The following SYT9 variants were observed in gnomAD, a reference collection of about 807,000 sequenced individuals.
SYT9 encodes synaptotagmin-9.
In SYT9, 22 loss-of-function variants were observed where a neutral mutation model predicts 48.4. That is an observed-to-expected ratio of 0.45 (90% CI 0.32 to 0.65). The LOEUF is 0.65. Among genes scored for constraint, SYT9 ranks in the 30% least tolerant of loss-of-function variants. The probability of loss-of-function intolerance (pLI) is 0.03; values close to 1 mark genes in which losing one functional copy is unlikely to be tolerated. For synonymous variants in SYT9, 265 were observed against 245.0 expected, an observed-to-expected ratio of 1.08 and a Z score of -0.76; for missense variants, 577 against 622.0, an observed-to-expected ratio of 0.93 and a Z score of 0.77.
intron 6 of SYT9, among the ~76,000 whole-genome samples, chr11:7,458,754 GA>G (rs1848194331): frequency 6.6e-6 from 1 of 152,106 alleles, no homozygotes; most frequent in Non-Finnish European, 1.5e-5. Flanking sequence ...ATGCAGGAGA[GA>G]AAAAAGAGAG....
chr11:7,441,355 C>CT (rs1847826462), intron 6 of SYT9: 7 of 152,170 alleles, frequency 4.6e-5, no homozygotes, highest in African/African-American at 1.7e-4. Flanking sequence ...GGAGATGTTT[C>CT]CTGGAAGTCT....
At chr11:7,386,611 C>T (rs1286495686) in intron 3 of SYT9, among the ~76,000 whole-genome samples, 1 of 152,152 alleles carries the variant, frequency 6.6e-6, no homozygotes, top group East Asian at 1.9e-4. Context: ...CCAGCTCACA[C>T]CAGTTAGAAT....
intron 1 of SYT9, among the ~76,000 whole-genome samples, chr11:7,265,069 TAA>T (rs1848153243): frequency 6.6e-6 from 1 of 152,090 alleles, no homozygotes; most frequent in Non-Finnish European, 1.5e-5. Flanking sequence ...AGAGATGCCT[TAA>T]GAGATATTTA....
chr11:7,452,149 T>A (rs72846857), intron 6 of SYT9, among the ~76,000 whole-genome samples: 19,983 of 121,608 alleles, frequency 0.16, 1,507 homozygotes, highest in African/African-American at 0.28. Flanking sequence ...ACACACACAC[T>A]GAGGAAAAAC....
chr11:7,451,405 A>T (rs1415359442), intron 6 of SYT9, among the ~76,000 whole-genome samples: 1 of 152,236 alleles, frequency 6.6e-6, no homozygotes, highest in African/African-American at 2.4e-5. Flanking sequence ...AGCAGAACAT[A>T]ATTTCCCTCG....
At chr11:7,448,768 T>C (rs569673035) in intron 6 of SYT9, among the ~76,000 whole-genome samples, 15 of 152,278 alleles carry the variant, frequency 9.9e-5, no homozygotes, top group Non-Finnish European at 2.1e-4. Context: ...CAGGGCCCAA[T>C]GAGTGAGGGG....
At chr11:7,415,075 AG>A (rs1847214154) in intron 3 of SYT9, among the ~76,000 whole-genome samples, 1 of 151,828 alleles carries the variant, frequency 6.6e-6, no homozygotes, top group South Asian at 2.1e-4. Context: ...ATGGCTGCAC[AG>A]TGCCTGAGAT....
At chr11:7,340,969 A>G (rs889448126) in intron 3 of SYT9, among the ~76,000 whole-genome samples, 2 of 152,170 alleles carry the variant, frequency 1.3e-5, no homozygotes, top group Non-Finnish European at 2.9e-5. Flanking sequence ...ATTTTCTAGC[A>G]CCTGAAAGTA....
chr11:7,313,831 A>C lies in SYT9; in HGVS notation c.934A>C (p.Arg312=), dbSNP rs763447354. The C allele has an allele frequency of 1.2e-6, 2 of 1,614,200 alleles. No individual in the cohort carries two copies. The highest frequency in any genetic ancestry group is 3.3e-5 in the Admixed American group (2 of 60,026). The change falls in exon 3 of 7, where the codon AGG becomes CGG. Residue 312 remains arginine, a synonymous_variant. Transcript: ENST00000318881. ...TCACTTCTCTGTGTACGACTTTGAC[A>C]GGTTCTCTCGTCATGACTTAATCGG... ...KLHFSVYDFD[R]FSRHDLIGQV...
intron 3 of SYT9, among the ~76,000 whole-genome samples, chr11:7,406,443 T>C (rs1039094015): frequency 3.9e-5 from 6 of 151,984 alleles, no homozygotes; most frequent in Non-Finnish European, 7.4e-5. Flanking sequence ...GCCTGACTTA[T>C]TTCACTTAAC....
At chr11:7,370,707 A>G (rs1850346660) in intron 3 of SYT9, among the ~76,000 whole-genome samples, 2 of 152,200 alleles carry the variant, frequency 1.3e-5, no homozygotes. Flanking sequence ...CATGAAGAAT[A>G]AGCCTCAAAA....
At position 7,452,164 on chromosome 11, in the gene SYT9, AATG is replaced by A. The variant is rs1320953084; in HGVS notation, c.1468-14625_1468-14623del. Among the ~76,000 whole-genome samples the A allele has an allele frequency of 1.3e-4, 18 of 143,736 alleles. No individual in the cohort carries two copies. In the East Asian group the frequency reaches 3.5e-3, roughly 28 times the overall value. The allele number at this position is 143,736 out of a possible 152,430, so 94.3% of individuals were successfully genotyped here. The stretch of plus-strand genomic sequence containing the variant: ...ACACACACACTGAGGAAAAACAAAC[AATG>A]ATAAGAAATCAAATTCAAGTGTAAA... On this transcript the variant is annotated intron_variant, in intron 6 of 6. Transcript: ENST00000318881.
At chr11:7,349,849 C>G (rs1392389465) in intron 3 of SYT9, among the ~76,000 whole-genome samples, 1 of 152,180 alleles carries the variant, frequency 6.6e-6, no homozygotes, top group Admixed American at 6.5e-5. Context: ...TTCCAAAACT[C>G]AGTTTTCCCG....
intron 3 of SYT9, among the ~76,000 whole-genome samples, chr11:7,345,628 T>G (rs554218903): frequency 1.1e-4 from 17 of 152,240 alleles, no homozygotes; most frequent in Non-Finnish European, 2.5e-4. Flanking sequence ...TGTTCCATTT[T>G]TAACATATTC....
intron 4 of SYT9, among the ~76,000 whole-genome samples, chr11:7,417,303 A>G (rs1018656338): frequency 9.9e-5 from 15 of 152,140 alleles, no homozygotes; most frequent in African/African-American, 3.4e-4. Context: ...TAAACAGAAG[A>G]AGAGTGAGAT....
At chr11:7,465,409 T>C (rs1359132854) in intron 6 of SYT9, among the ~76,000 whole-genome samples, 2 of 152,266 alleles carry the variant, frequency 1.3e-5, no homozygotes, top group Non-Finnish European at 2.9e-5. Context: ...GAATGGTTGC[T>C]ACTCTTTTAT....
intron 3 of SYT9, among the ~76,000 whole-genome samples, chr11:7,403,463 G>T (rs1846938364): frequency 6.6e-6 from 1 of 152,048 alleles, no homozygotes; most frequent in Admixed American, 6.6e-5. Context: ...AAGGTGGGAG[G>T]ATCTCTTGAG....
chr11:7,285,517 G>A (rs1848580390), intron 1 of SYT9, among the ~76,000 whole-genome samples: 1 of 152,058 alleles, frequency 6.6e-6, no homozygotes, highest in Non-Finnish European at 1.5e-5. Context: ...ATTTGGGTGG[G>A]GACACAGAGC....
chr11:7,428,239 A>T (rs1012932750), intron 6 of SYT9, among the ~76,000 whole-genome samples: 2 of 152,204 alleles, frequency 1.3e-5, no homozygotes, highest in Non-Finnish European at 2.9e-5. Context: ...CAGAAAGTCA[A>T]CTGCATCTTG....
Sources: allele counts gnomAD v4.1 joint callset (sites outside exome capture counted in the v4.1 genomes callset), GRCh38; gene constraint gnomAD v4.1.1; transcripts MANE v1.5; gene names NCBI Gene and HGNC (gene_info 2026-07-23, HGNC 2026-07-21).